UVRAG: variants seen among roughly 807,000 people sequenced by gnomAD.
UVRAG encodes UV radiation resistance associated.
Under a neutral mutation model 78.0 loss-of-function variants are expected in UVRAG, and 19 were observed. The observed-to-expected ratio is 0.24, with a 90% CI of 0.17 to 0.36. UVRAG has a LOEUF of 0.36. UVRAG is among the 10% of genes least tolerant of loss of function. The pLI, the probability that UVRAG is intolerant of heterozygous loss-of-function variation, is 1.00. For missense variants in UVRAG, 740 were observed against 853.8 expected (o/e 0.87, Z 1.66); for synonymous variants, 323 against 324.6 (o/e 1.00, Z 0.05).
chr11:76,003,679 T>C (rs1447282030), intron 8 of UVRAG, among the ~76,000 whole-genome samples: 1 of 152,214 alleles, frequency 6.6e-6, no homozygotes, highest in African/African-American at 2.4e-5. Flanking sequence ...AAGGAATTAA[T>C]CACTCATTTT....
intron 11 of UVRAG, among the ~76,000 whole-genome samples, chr11:76,016,110 G>A (rs1405526478): frequency 6.6e-6 from 1 of 152,092 alleles, no homozygotes; most frequent in Non-Finnish European, 1.5e-5. Flanking sequence ...AATTGTCTGT[G>A]GCTTTTTGAA....
At chr11:75,957,825 G>A (rs1476461830) in intron 6 of UVRAG, among the ~76,000 whole-genome samples, 2 of 152,210 alleles carry the variant, frequency 1.3e-5, no homozygotes, top group Middle Eastern at 3.4e-3. Flanking sequence ...TAACTCAATT[G>A]TTTGGGGCTA....
intron 1 of UVRAG, among the ~76,000 whole-genome samples, chr11:75,848,196 CAAAA>C (rs367973408): frequency 1.7e-5 from 2 of 116,368 alleles, no homozygotes; most frequent in South Asian, 5.5e-4. Flanking sequence ...GACCCTGTCT[CAAAA>C]AAAAAAAAAA....
intron 12 of UVRAG, among the ~76,000 whole-genome samples, chr11:76,060,999 G>C (rs1184867914): frequency 6.6e-6 from 1 of 152,272 alleles, no homozygotes; most frequent in Non-Finnish European, 1.5e-5. Flanking sequence ...CCTGGTGCGG[G>C]ATCTACTGGG....
intron 1 of UVRAG, among the ~76,000 whole-genome samples, chr11:75,819,474 C>T (rs115080729): frequency 9.9e-4 from 151 of 152,058 alleles, no homozygotes; most frequent in African/African-American, 3.4e-3. Flanking sequence ...CAGCCTTCCG[C>T]ATAGCTGGGA....
rs1952752017 is a variant in UVRAG at position 76,143,096 on chromosome 11, G to A, written c.*1683G>A. ...GGAGCTTCTCTGCAGTGTACTGTCT[G>A]TCGCTCATTTTGGAGTCAGTGTGGG... On this transcript the variant is annotated 3_prime_UTR_variant, in exon 15 of 15. Coordinates refer to ENST00000356136, the MANE Select transcript of UVRAG (RefSeq NM_003369.4). 1 of 152,326 alleles carries A rather than the reference G, an allele frequency of 6.6e-6. No individual in the cohort carries two copies. Among genetic ancestry groups the A allele is most frequent in the Admixed American group, 6.5e-5 (1 of 15,298 alleles). The allele number at this position is 152,326 out of a possible 1,614,324, so 9.4% of individuals were successfully genotyped here.
intron 4 of UVRAG, 113 bp downstream of exon 4, chr11:75,880,153 C>A: frequency 7.9e-7 from 1 of 1,261,148 alleles, no homozygotes; most frequent in Non-Finnish European, 1.1e-6. Context: ...ACTTTTATGA[C>A]TGTTTACTTA....
chr11:76,014,732 A>G (rs1436068950), intron 11 of UVRAG, among the ~76,000 whole-genome samples: 1 of 152,020 alleles, frequency 6.6e-6, no homozygotes. Flanking sequence ...CCTGGGTCTC[A>G]TTTCTCTCTT....
At chr11:75,899,646 A>G (rs952719462) in intron 5 of UVRAG, among the ~76,000 whole-genome samples, 3 of 152,234 alleles carry the variant, frequency 2.0e-5, no homozygotes, top group African/African-American at 4.8e-5. Context: ...TTCCCACTTC[A>G]TATAGTGTGA....
chr11:75,865,287 C>CAAAAA (rs1195072746), intron 3 of UVRAG, among the ~76,000 whole-genome samples: 1 of 45,732 alleles, frequency 2.2e-5, no homozygotes, highest in Non-Finnish European at 4.9e-5. Context: ...AACTCCATCT[C>CAAAAA]AAAAAAAAAA....
intron 7 of UVRAG, among the ~76,000 whole-genome samples, chr11:75,967,346 T>G (rs1949042345): frequency 6.6e-6 from 1 of 152,228 alleles, no homozygotes; most frequent in African/African-American, 2.4e-5. Context: ...TCTGTGAAAT[T>G]AATGGATAGG....
At chr11:76,072,351 C>A (rs1565148581) in intron 13 of UVRAG, among the ~76,000 whole-genome samples, 1 of 152,064 alleles carries the variant, frequency 6.6e-6, no homozygotes, top group African/African-American at 2.4e-5. Flanking sequence ...AGGGAAGTTT[C>A]TTTTTGTTTT....
chr11:76,067,890 T>A (rs547087222), intron 13 of UVRAG, among the ~76,000 whole-genome samples: 16 of 152,226 alleles, frequency 1.1e-4, no homozygotes, highest in Admixed American at 4.6e-4. Flanking sequence ...AAAACTGGCA[T>A]CATTTAGTAG....
intron 12 of UVRAG, among the ~76,000 whole-genome samples, chr11:76,051,801 A>C (rs930657226): frequency 6.6e-6 from 1 of 152,116 alleles, no homozygotes; most frequent in Non-Finnish European, 1.5e-5. Context: ...CATACGTCTC[A>C]TATTTTCTCT....
chr11:75,986,796 C>A (rs372684822), intron 8 of UVRAG, among the ~76,000 whole-genome samples: 2 of 151,404 alleles, frequency 1.3e-5, no homozygotes, highest in Non-Finnish European at 2.9e-5. Flanking sequence ...TAACCACCCC[C>A]CTACCTTCTG....
At chr11:76,104,723 G>A (rs1325240720) in intron 13 of UVRAG, among the ~76,000 whole-genome samples, 1 of 152,138 alleles carries the variant, frequency 6.6e-6, no homozygotes, top group East Asian at 1.9e-4. Context: ...TTTATTACTT[G>A]TTGAATTAAG....
chr11:75,930,032 T>G (rs1018373559), intron 6 of UVRAG, among the ~76,000 whole-genome samples: 1 of 152,226 alleles, frequency 6.6e-6, no homozygotes, highest in Non-Finnish European at 1.5e-5. Flanking sequence ...AGATACCTCC[T>G]TATCTCCTCA....
intron 5 of UVRAG, among the ~76,000 whole-genome samples, chr11:75,893,049 G>A (rs1027157356): frequency 5.9e-5 from 9 of 151,694 alleles, no homozygotes; most frequent in Admixed American, 5.9e-4. Flanking sequence ...ATAGTGGCGG[G>A]TGCCTGTAAT....
At chr11:76,061,225 ACT>A (rs1377892450) in intron 12 of UVRAG, among the ~76,000 whole-genome samples, 3 of 152,030 alleles carry the variant, frequency 2.0e-5, no homozygotes, top group East Asian at 3.9e-4. Flanking sequence ...TTGTGTTGAC[ACT>A]CTGTATCTAG....
Sources: gnomAD v4.1 joint callset for allele counts (sites outside exome capture counted in the v4.1 genomes callset) on GRCh38, gnomAD v4.1.1 for gene constraint, MANE v1.5 for transcripts, NCBI Gene and HGNC (gene_info 2026-07-23, HGNC 2026-07-21) for gene names.